The following RAB38 variants were observed in gnomAD, a reference collection of about 807,000 sequenced individuals.
The protein encoded by RAB38 is RAB38, member RAS oncogene family.
Under a neutral mutation model 18.4 loss-of-function variants are expected in RAB38, and 15 were observed. That is an observed-to-expected ratio of 0.82 (90% CI 0.55 to 1.26). The LOEUF (loss-of-function observed/expected upper bound fraction) is 1.26. Among genes scored for constraint, RAB38 ranks in the 50% most tolerant of loss-of-function variants. RAB38 has a pLI of 0.00. For missense variants in RAB38, 294 were observed against 267.4 expected, an observed-to-expected ratio of 1.10 and a Z score of -0.69; for synonymous variants, 101 against 104.4, an observed-to-expected ratio of 0.97 and a Z score of 0.20.
chr11:87,873,788 ACT>A, the RAB38 span, among the ~76,000 whole-genome samples: 2 of 144,266 alleles, frequency 1.4e-5, no homozygotes, highest in South Asian at 2.2e-4. Context: ...TTCTTTCTTA[ACT>A]CTCTGTTATA....
the RAB38 span, among the ~76,000 whole-genome samples, chr11:88,101,740 GATA>G: frequency 7.5e-4 from 114 of 151,564 alleles, no homozygotes; most frequent in African/African-American, 2.7e-3. Context: ...CCACAAAGTT[GATA>G]ATAATATTAT....
At chr11:88,094,815 A>G in the RAB38 span, among the ~76,000 whole-genome samples, 1 of 151,888 alleles carries the variant, frequency 6.6e-6, no homozygotes, top group African/African-American at 2.4e-5. Context: ...AGGCAATTAT[A>G]TATTTCTTTA....
At chr11:88,033,008 A>C in the RAB38 span, among the ~76,000 whole-genome samples, 3 of 152,350 alleles carry the variant, frequency 2.0e-5, no homozygotes, top group Non-Finnish European at 2.9e-5. Flanking sequence ...CTGGATTAAG[A>C]AAATGTGGCA....
intron 2 of RAB38, among the ~76,000 whole-genome samples, chr11:88,141,835 G>A (rs1267129933): frequency 6.6e-6 from 1 of 152,104 alleles, no homozygotes; most frequent in Non-Finnish European, 1.5e-5. Context: ...CTCTGCCTTT[G>A]GAAATTCTAC....
chr11:88,091,433 C>T, the RAB38 span, among the ~76,000 whole-genome samples: 1 of 152,014 alleles, frequency 6.6e-6, no homozygotes, highest in African/African-American at 2.4e-5. Flanking sequence ...GAGACTTTGA[C>T]TAATGTTACA....
chr11:88,006,095 T>C, the RAB38 span, among the ~76,000 whole-genome samples: 1 of 151,414 alleles, frequency 6.6e-6, no homozygotes, highest in Admixed American at 6.6e-5. Context: ...CAACAAAACA[T>C]TCAACAAAAA....
chr11:87,864,603 T>C, the RAB38 span, among the ~76,000 whole-genome samples: 1 of 151,706 alleles, frequency 6.6e-6, no homozygotes, highest in Admixed American at 6.6e-5. Flanking sequence ...TTTTATCCTT[T>C]AATTAGGTGA....
the RAB38 span, among the ~76,000 whole-genome samples, chr11:87,941,632 G>A: frequency 6.6e-6 from 1 of 152,074 alleles, no homozygotes; most frequent in Non-Finnish European, 1.5e-5. Context: ...AAGGAATGAA[G>A]AAAGGCATGG....
chr11:87,952,422 T>C, the RAB38 span, among the ~76,000 whole-genome samples: 1 of 152,182 alleles, frequency 6.6e-6, no homozygotes, highest in Non-Finnish European at 1.5e-5. Context: ...CAGGATCTTG[T>C]TTCTTATTTT....
the RAB38 span, among the ~76,000 whole-genome samples, chr11:87,965,521 C>T: frequency 6.6e-6 from 1 of 152,132 alleles, no homozygotes; most frequent in Non-Finnish European, 1.5e-5. Flanking sequence ...ACTGCTCACA[C>T]ACTCCGCTCA....
At chr11:88,175,090 T>C in intron 1 of RAB38, 93 bp downstream of exon 1, 1 of 1,377,814 alleles carries the variant, frequency 7.3e-7, no homozygotes, top group Non-Finnish European at 9.7e-7. Context: ...ACCTAGTGAT[T>C]TTAATCTCAC....
At chr11:87,805,241 T>G in the RAB38 span, among the ~76,000 whole-genome samples, 32 of 152,288 alleles carry the variant, frequency 2.1e-4, no homozygotes, top group Non-Finnish European at 4.4e-4. Context: ...CCTTTTCTTT[T>G]GTTCTTACTT....
At chr11:87,858,837 G>GA in the RAB38 span, among the ~76,000 whole-genome samples, 22 of 149,782 alleles carry the variant, frequency 1.5e-4, 1 homozygote, top group African/African-American at 4.2e-4. Flanking sequence ...ATTAAACTGT[G>GA]AAAAAAAATG....
At chr11:88,051,266 CAAAG>C in the RAB38 span, among the ~76,000 whole-genome samples, 3 of 151,932 alleles carry the variant, frequency 2.0e-5, no homozygotes, top group Middle Eastern at 3.2e-3. Flanking sequence ...TGGAAACTGA[CAAAG>C]AGATTAAGGA....
chr11:87,850,155 G>T, the RAB38 span, among the ~76,000 whole-genome samples: 1 of 152,076 alleles, frequency 6.6e-6, no homozygotes, highest in Admixed American at 6.6e-5. Flanking sequence ...TAGTTGTTTT[G>T]TCTGTAGAGG....
At chr11:88,164,258 G>GT (rs1491366663) in intron 1 of RAB38, among the ~76,000 whole-genome samples, 1 of 137,308 alleles carries the variant, frequency 7.3e-6, no homozygotes, top group African/African-American at 2.7e-5. Context: ...GGTGCTCTCG[G>GT]TGGGGGGGGG....
At chr11:87,947,493 G>T in the RAB38 span, among the ~76,000 whole-genome samples, 30 of 152,212 alleles carry the variant, frequency 2.0e-4, 1 homozygote, top group African/African-American at 6.7e-4. Flanking sequence ...TATTGCCTAG[G>T]GTTTCTTCTA....
At chr11:87,943,258 T>C in the RAB38 span, among the ~76,000 whole-genome samples, 666 of 152,252 alleles carry the variant, frequency 4.4e-3, 8 homozygotes, top group African/African-American at 0.015. Flanking sequence ...CTGTAGACCA[T>C]TGAGTGAAGC....
chr11:87,943,709 G>T, the RAB38 span, among the ~76,000 whole-genome samples: 7 of 152,076 alleles, frequency 4.6e-5, no homozygotes, highest in Non-Finnish European at 8.8e-5. Context: ...TCTTAAAGAT[G>T]GAGCAGATAT....
Sources: allele counts gnomAD v4.1 joint callset (sites outside exome capture counted in the v4.1 genomes callset), GRCh38; gene constraint gnomAD v4.1.1; transcripts MANE v1.5; gene names NCBI Gene and HGNC (gene_info 2026-07-23, HGNC 2026-07-21).